The following SIL1 variants were observed in gnomAD, a reference collection of about 807,000 sequenced individuals.
SIL1 encodes SIL1 nucleotide exchange factor, also known as nucleotide exchange factor SIL1.
A neutral mutation model predicts 49.1 loss-of-function variants in SIL1; 40 were observed. That is an observed-to-expected ratio of 0.81 (90% CI 0.63 to 1.06). SIL1 has a LOEUF of 1.06. Ranked by LOEUF, SIL1 falls within the 50% of genes least tolerant of loss-of-function variation. The pLI, the probability that SIL1 is intolerant of heterozygous loss-of-function variation, is 0.00. For synonymous variants in SIL1, 253 were observed against 250.8 expected (o/e 1.01, Z -0.08); for missense variants, 500 against 572.6 (o/e 0.87, Z 1.29).
intron 1 of SIL1, among the ~76,000 whole-genome samples, chr5:139,191,448 G>A (rs539312572): frequency 1.3e-5 from 2 of 151,938 alleles, no homozygotes; most frequent in African/African-American, 2.4e-5. Flanking sequence ...TCACAAAAAT[G>A]AGACTATCCC....
chr5:139,111,618 C>A (rs375701303), intron 3 of SIL1, among the ~76,000 whole-genome samples: 3 of 152,206 alleles, frequency 2.0e-5, no homozygotes, highest in African/African-American at 7.2e-5. Flanking sequence ...AAGCACTATA[C>A]TTCCAGGAGT....
intron 1 of SIL1, chr5:139,187,656 C>CG (rs34044498): frequency 0.41 from 62,289 of 151,916 alleles, 13,722 homozygotes; most frequent in South Asian, 0.52. Flanking sequence ...GGTGATGGTA[C>CG]GGACATATTA....
At position 139,082,665 on chromosome 5, in the gene SIL1, G is replaced by T. The variant is rs139210724; in HGVS notation, c.245-31619C>A. ...TCATTCTTCCTGTCATTCTTGGAAGGCAGCAATCCACACTTCAATTACTTG... is the reference window on the plus strand; with the variant it reads ...TCATTCTTCCTGTCATTCTTGGAAGTCAGCAATCCACACTTCAATTACTTG... On this transcript the variant is annotated intron_variant, in intron 3 of 9. Coordinates refer to ENST00000394817, the MANE Select transcript of SIL1 (RefSeq NM_022464.5). Among the ~76,000 whole-genome samples, 422 of 152,286 alleles carry T rather than the reference G, an allele frequency of 2.8e-3. 3 individuals carry two copies. Among genetic ancestry groups the T allele is most frequent in the Non-Finnish European group, 5.4e-3 (364 of 68,012 alleles).
intron 7 of SIL1, among the ~76,000 whole-genome samples, chr5:138,965,551 G>A (rs1767119515): frequency 6.6e-6 from 1 of 151,954 alleles, no homozygotes; most frequent in South Asian, 2.1e-4. Flanking sequence ...AGAACATATG[G>A]TCACTCTCTG....
intron 1 of SIL1, among the ~76,000 whole-genome samples, chr5:139,163,233 G>T (rs759343172): frequency 2.6e-5 from 4 of 152,110 alleles, no homozygotes; most frequent in African/African-American, 7.2e-5. Context: ...GCAAGGTGAC[G>T]TGCTCCTTAA....
chr5:139,106,906 A>G (rs911656457), intron 3 of SIL1, among the ~76,000 whole-genome samples: 3 of 152,266 alleles, frequency 2.0e-5, no homozygotes, highest in Admixed American at 2.0e-4. Flanking sequence ...CTGGATGATC[A>G]AACAATGAGC....
In SIL1 at chr5:138,951,880, G is replaced by A. The variant is rs1766788039; in HGVS notation, c.772C>T (p.Pro258Ser). ...FVLGAAFSSN[P>S]KVQVEAIEGG... ...TCGATGGCCTCCACCTGGACCTTGG[G>A]GTTGCTGGGGAAGAAGCACAGGACA... The change falls in exon 8 of 10, where the codon CCC becomes TCC. Residue 258 changes from proline to serine, a missense_variant. Transcript: ENST00000394817. 8.7e-6 allele frequency: 14 copies of A among 1,613,652 alleles called. No homozygotes were observed. Among genetic ancestry groups the A allele is most frequent in the Non-Finnish European group, 1.1e-5 (13 of 1,179,970 alleles).
intron 5 of SIL1, among the ~76,000 whole-genome samples, chr5:139,027,453 A>G (rs1390699968): frequency 6.6e-6 from 1 of 152,264 alleles, no homozygotes; most frequent in Non-Finnish European, 1.5e-5. Flanking sequence ...AAACTTGGAC[A>G]TAGAAAACTA....
At chr5:138,961,897 A>G (rs903288358) in intron 7 of SIL1, among the ~76,000 whole-genome samples, 1 of 148,366 alleles carries the variant, frequency 6.7e-6, no homozygotes, top group African/African-American at 2.5e-5. Context: ...AGAGAGTTTT[A>G]CCTTCCCCTT....
chr5:138,991,807 G>A (rs571688096), intron 7 of SIL1, among the ~76,000 whole-genome samples: 1 of 152,314 alleles, frequency 6.6e-6, no homozygotes, highest in Admixed American at 6.5e-5. Flanking sequence ...AAATACAACG[G>A]AGAAGGTTCC....
chr5:139,092,397 AC>A (rs2151777044), intron 3 of SIL1, among the ~76,000 whole-genome samples: 1 of 152,320 alleles, frequency 6.6e-6, no homozygotes, highest in East Asian at 1.9e-4. Context: ...GATAAATTGA[AC>A]CCAACTGTGA....
At chr5:139,185,478 T>C (rs781186063) in intron 1 of SIL1, among the ~76,000 whole-genome samples, 25 of 152,266 alleles carry the variant, frequency 1.6e-4, no homozygotes, top group Non-Finnish European at 2.9e-4. Context: ...AACTTAACTC[T>C]TGTTTATACC....
chr5:139,193,206 T>A (rs1474060487), intron 1 of SIL1, among the ~76,000 whole-genome samples: 2 of 152,090 alleles, frequency 1.3e-5, no homozygotes, highest in Non-Finnish European at 2.9e-5. Flanking sequence ...ATTACAATGG[T>A]TTGTGGCCAT....
chr5:139,080,634 T>C lies in SIL1; in HGVS notation c.245-29588A>G, dbSNP rs143351293. On this transcript the variant is annotated intron_variant, in intron 3 of 9. Coordinates refer to ENST00000394817, the MANE Select transcript of SIL1 (RefSeq NM_022464.5). ...GAACAGACTGCAAAATCCATTCCTGTCTTTTCTGAAACAAGCTTGTCATTG... is the reference window on the plus strand; with the variant it reads ...GAACAGACTGCAAAATCCATTCCTGCCTTTTCTGAAACAAGCTTGTCATTG... Among the ~76,000 whole-genome samples the C allele has an allele frequency of 3.7e-3, 562 of 152,322 alleles. 4 individuals are homozygous for C. Among genetic ancestry groups the C allele is most frequent in the African/African-American group, 0.011 (475 of 41,560 alleles).
intron 3 of SIL1, among the ~76,000 whole-genome samples, chr5:139,115,424 C>G (rs1561867959): frequency 6.6e-6 from 1 of 152,104 alleles, no homozygotes; most frequent in African/African-American, 2.4e-5. Context: ...AGGATGGAGG[C>G]TGGTTGCCAG....
chr5:139,035,477 C>A, intron 5 of SIL1: 1 of 538,058 alleles, frequency 1.9e-6, no homozygotes. Flanking sequence ...CTGTAATCCT[C>A]AGACCCCTCC....
intron 6 of SIL1, 149 bp from the exon 7 acceptor site, chr5:139,021,441 A>C: frequency 8.4e-7 from 1 of 1,187,378 alleles, no homozygotes; most frequent in Non-Finnish European, 1.2e-6. Flanking sequence ...AGGTTTGTAA[A>C]AACCAATTTT....
intron 1 of SIL1, among the ~76,000 whole-genome samples, chr5:139,166,481 G>A (rs74494088): frequency 0.011 from 1,689 of 152,248 alleles, 27 homozygotes; most frequent in African/African-American, 0.037. Context: ...GAGCAATATA[G>A]CAAGATCCTG....
chr5:139,080,449 A>G (rs1167190582), intron 3 of SIL1, among the ~76,000 whole-genome samples: 6 of 152,218 alleles, frequency 3.9e-5, no homozygotes, highest in Non-Finnish European at 7.4e-5. Context: ...AAGATAGCCT[A>G]AAGGACAGGC....
Sources: allele counts gnomAD v4.1 joint callset (sites outside exome capture counted in the v4.1 genomes callset), GRCh38; gene constraint gnomAD v4.1.1; transcripts MANE v1.5; gene names NCBI Gene and HGNC (gene_info 2026-07-23, HGNC 2026-07-21).